The following JARID2 variants were observed in gnomAD, a reference collection of about 807,000 sequenced individuals.
JARID2 encodes the protein protein Jumonji.
Under a neutral mutation model 125.6 loss-of-function variants are expected in JARID2, and 21 were observed. The observed-to-expected ratio is 0.17, with a 90% confidence interval of 0.12 to 0.24. The LOEUF is 0.24. Ranked by LOEUF, JARID2 falls within the 10% of genes least tolerant of loss-of-function variation. JARID2 has a pLI of 1.00. For missense variants in JARID2, 1,303 were observed against 1,639.6 expected, an observed-to-expected ratio of 0.79 and a Z score of 3.55; for synonymous variants, 736 against 661.6, an observed-to-expected ratio of 1.11 and a Z score of -1.73.
chr6:15,393,711 T>TACACGAA (rs1297603866), intron 2 of JARID2, among the ~76,000 whole-genome samples: 15 of 152,200 alleles, frequency 9.9e-5, no homozygotes, highest in African/African-American at 3.6e-4. Flanking sequence ...ATACACGAAA[T>TACACGAA]TGTTAACAGT....
At chr6:15,435,863 G>A (rs1405334233) in intron 3 of JARID2, among the ~76,000 whole-genome samples, 1 of 151,566 alleles carries the variant, frequency 6.6e-6, no homozygotes, top group South Asian at 2.1e-4. Context: ...GGAGTACAGA[G>A]CAAACCAATC....
intron 3 of JARID2, among the ~76,000 whole-genome samples, chr6:15,415,567 C>T (rs1194270909): frequency 9.6e-5 from 14 of 145,690 alleles, no homozygotes; most frequent in East Asian, 2.0e-4. Flanking sequence ...CCTCACCTCC[C>T]GGACGGGGCT....
intron 1 of JARID2, among the ~76,000 whole-genome samples, chr6:15,287,008 C>T (rs1008708569): frequency 1.5e-4 from 23 of 151,734 alleles, no homozygotes; most frequent in African/African-American, 3.9e-4. Context: ...CCAGCTACTC[C>T]GGAGGCTGAG....
At chr6:15,461,372 C>T (rs1427338439) in intron 4 of JARID2, among the ~76,000 whole-genome samples, 1 of 152,136 alleles carries the variant, frequency 6.6e-6, no homozygotes, top group Non-Finnish European at 1.5e-5. Flanking sequence ...CGGGAATTTC[C>T]TATTTGTGGG....
chr6:15,382,988 T>G (rs1047164059), intron 2 of JARID2, among the ~76,000 whole-genome samples: 1 of 152,042 alleles, frequency 6.6e-6, no homozygotes, highest in Non-Finnish European at 1.5e-5. Flanking sequence ...GTGGAGTCTG[T>G]ATGTGTAGGG....
At chr6:15,363,003 CAAG>C (rs952982400) in intron 1 of JARID2, among the ~76,000 whole-genome samples, 1 of 151,884 alleles carries the variant, frequency 6.6e-6, no homozygotes, top group African/African-American at 2.4e-5. Flanking sequence ...AGGAGATTGT[CAAG>C]AAGATGATTT....
chr6:15,473,154 A>C (rs1769158195), intron 5 of JARID2, among the ~76,000 whole-genome samples: 1 of 152,252 alleles, frequency 6.6e-6, no homozygotes, highest in African/African-American at 2.4e-5. Flanking sequence ...CTGAAACATA[A>C]TCATAGAATC....
chr6:15,249,031 AAGCGGGG>A (rs1451934444), intron 1 of JARID2: 1 of 874,494 alleles, frequency 1.1e-6, no homozygotes, highest in Non-Finnish European at 1.4e-6. Context: ...GCCACTTGGG[AAGCGGGG>A]AGCGGGGAGG....
chr6:15,471,711 AATC>A (rs929215954), intron 5 of JARID2, among the ~76,000 whole-genome samples: 3 of 152,190 alleles, frequency 2.0e-5, no homozygotes, highest in Admixed American at 2.0e-4. Context: ...TAATGTTAAG[AATC>A]ATCATCTGCA....
At chr6:15,499,478 G>C (rs1226466984) in intron 7 of JARID2, among the ~76,000 whole-genome samples, 1 of 152,204 alleles carries the variant, frequency 6.6e-6, no homozygotes, top group South Asian at 2.1e-4. Context: ...AAATATGAAA[G>C]TGTGGATTTC....
intron 3 of JARID2, among the ~76,000 whole-genome samples, chr6:15,449,287 T>C (rs1767813409): frequency 1.3e-5 from 2 of 152,212 alleles, no homozygotes; most frequent in Non-Finnish European, 2.9e-5. Context: ...TCTGTTAAAC[T>C]TGATTCACTT....
chr6:15,417,155 TA>T (rs1294086110), intron 3 of JARID2, among the ~76,000 whole-genome samples: 4 of 151,816 alleles, frequency 2.6e-5, no homozygotes, highest in East Asian at 1.9e-4. Flanking sequence ...TGTGGGTGAG[TA>T]GGGGGAAGAG....
chr6:15,261,272 G>C (rs899643221), intron 1 of JARID2, among the ~76,000 whole-genome samples: 4 of 150,976 alleles, frequency 2.6e-5, no homozygotes, highest in Non-Finnish European at 5.9e-5. Context: ...CATTATATAC[G>C]GTCTATGAAG....
intron 1 of JARID2, among the ~76,000 whole-genome samples, chr6:15,327,420 T>C (rs1056437288): frequency 2.6e-5 from 4 of 152,266 alleles, no homozygotes; most frequent in Middle Eastern, 6.8e-3. Context: ...ATGTGTAACA[T>C]TCAGCATACT....
chr6:15,284,122 G>A (rs77678914), intron 1 of JARID2, among the ~76,000 whole-genome samples: 223 of 152,102 alleles, frequency 1.5e-3, no homozygotes, highest in African/African-American at 4.7e-3. Context: ...CTTCTGTGAC[G>A]CCAAGAATAC....
intron 6 of JARID2, among the ~76,000 whole-genome samples, chr6:15,489,347 C>T (rs742100): frequency 0.22 from 33,086 of 152,050 alleles, 3,985 homozygotes; most frequent in Middle Eastern, 0.36. Flanking sequence ...CTTGGGATGG[C>T]GAGGCAGGAA....
At chr6:15,266,062 A>C (rs1367088581) in intron 1 of JARID2, among the ~76,000 whole-genome samples, 1 of 152,148 alleles carries the variant, frequency 6.6e-6, no homozygotes, top group Non-Finnish European at 1.5e-5. Flanking sequence ...AGTGTCTCCA[A>C]ATTAAAGGTC....
At chr6:15,345,287 C>G (rs1763206984) in intron 1 of JARID2, among the ~76,000 whole-genome samples, 1 of 152,164 alleles carries the variant, frequency 6.6e-6, no homozygotes, top group Non-Finnish European at 1.5e-5. Flanking sequence ...GTACCTGAAT[C>G]TCTTTTGGAA....
At chr6:15,414,518 A>G (rs934425832) in intron 3 of JARID2, among the ~76,000 whole-genome samples, 5 of 122,822 alleles carry the variant, frequency 4.1e-5, no homozygotes, top group African/African-American at 1.6e-4. Context: ...TATGGAGGCA[A>G]CTACAACAAC....
Sources: allele counts gnomAD v4.1 joint callset (sites outside exome capture counted in the v4.1 genomes callset), GRCh38; gene constraint gnomAD v4.1.1; transcripts MANE v1.5; gene names NCBI Gene and HGNC (gene_info 2026-07-23, HGNC 2026-07-21).